EYA1: variants seen among roughly 807,000 people sequenced by gnomAD.
EYA1 encodes the protein EYA transcriptional coactivator and phosphatase 1, also known as protein phosphatase EYA1.
Under a neutral mutation model 82.0 loss-of-function variants are expected in EYA1, and 16 were observed. That is an observed-to-expected ratio of 0.20 (90% CI 0.13 to 0.30). The LOEUF (loss-of-function observed/expected upper bound fraction) is 0.30, where lower values mean the gene tolerates loss of function less well. EYA1 is among the 10% of genes least tolerant of loss of function. The pLI is 1.00. For synonymous variants in EYA1, 261 were observed against 264.4 expected (o/e 0.99, Z 0.12); for missense variants, 633 against 730.7 (o/e 0.87, Z 1.54).
intron 1 of EYA1, among the ~76,000 whole-genome samples, chr8:71,547,115 C>A (rs567204679): frequency 9.7e-4 from 147 of 152,224 alleles, no homozygotes; most frequent in Middle Eastern, 6.8e-3. Flanking sequence ...CAGACCCCTC[C>A]AATTTACCTC....
At chr8:71,382,067 G>A (rs1828734934) in intron 2 of EYA1, among the ~76,000 whole-genome samples, 1 of 152,104 alleles carries the variant, frequency 6.6e-6, no homozygotes, top group South Asian at 2.1e-4. Flanking sequence ...AAGATGAGAA[G>A]AAACAGAATG....
chr8:71,269,565 T>C (rs547760914), intron 11 of EYA1, among the ~76,000 whole-genome samples, 175 bp downstream of exon 11: 2 of 152,344 alleles, frequency 1.3e-5, no homozygotes, highest in East Asian at 1.9e-4. Flanking sequence ...AAAAATAATA[T>C]CTTCTTTGGC....
intron 2 of EYA1, among the ~76,000 whole-genome samples, chr8:71,444,672 A>G (rs1030799303): frequency 1.3e-5 from 2 of 152,116 alleles, no homozygotes; most frequent in Non-Finnish European, 2.9e-5. Context: ...TGCATACAGC[A>G]GGTATCTGAT....
rs148158642 is a variant in EYA1 at position 71,287,798 on chromosome 8, T to C, written c.826+11249A>G. Reference sequence around the variant, plus strand: ...CCAGCACCAAGCACAGTGCCTGGCATGCAGCAAGCATTGATAAATATCTCT... The same window carrying C: ...CCAGCACCAAGCACAGTGCCTGGCACGCAGCAAGCATTGATAAATATCTCT... On this transcript the variant is annotated intron_variant, in intron 9 of 17. Transcript: ENST00000340726. 4.3e-3 allele frequency among the ~76,000 whole-genome samples: 648 copies of C among 152,348 alleles called. 2 individuals are homozygous for C. The highest frequency in any genetic ancestry group is 0.01 in the South Asian group (49 of 4,826).
intron 2 of EYA1, among the ~76,000 whole-genome samples, chr8:71,440,721 T>C (rs1476865648): frequency 6.6e-6 from 1 of 152,152 alleles, no homozygotes; most frequent in Non-Finnish European, 1.5e-5. Flanking sequence ...TACCTGTGTG[T>C]CATTAGAGAT....
intron 9 of EYA1, among the ~76,000 whole-genome samples, chr8:71,272,928 CTGTT>C (rs1244428181): frequency 6.6e-6 from 1 of 152,208 alleles, no homozygotes; most frequent in Non-Finnish European, 1.5e-5. Flanking sequence ...CAGAAAACCA[CTGTT>C]TGAAGAGAAC....
chr8:71,247,071 C>T (rs1303477018), intron 11 of EYA1, among the ~76,000 whole-genome samples: 1 of 151,394 alleles, frequency 6.6e-6, no homozygotes, highest in Non-Finnish European at 1.5e-5. Flanking sequence ...GCCCACATCC[C>T]TCCAGCACCT....
At chr8:71,356,955 C>G (rs1484884381) in intron 1 of EYA1, among the ~76,000 whole-genome samples, 1 of 152,224 alleles carries the variant, frequency 6.6e-6, no homozygotes, top group Admixed American at 6.5e-5. Flanking sequence ...TTATCACCAG[C>G]TGAAATAGAG....
chr8:71,465,360 C>A (rs770037324), intron 2 of EYA1, among the ~76,000 whole-genome samples: 1 of 152,186 alleles, frequency 6.6e-6, no homozygotes, highest in Non-Finnish European at 1.5e-5. Flanking sequence ...TGGTAGCTCA[C>A]ACCTATAATC....
At chr8:71,412,541 A>T (rs1490330190) in intron 2 of EYA1, among the ~76,000 whole-genome samples, 1 of 152,194 alleles carries the variant, frequency 6.6e-6, no homozygotes, top group African/African-American at 2.4e-5. Flanking sequence ...TGGATAAAAT[A>T]ATATGATGTC....
chr8:71,241,606 T>A (rs1812485903), intron 12 of EYA1, among the ~76,000 whole-genome samples: 1 of 152,170 alleles, frequency 6.6e-6, no homozygotes, highest in South Asian at 2.1e-4. Context: ...GCATCATACT[T>A]CAAGCTAACC....
chr8:71,296,686 C>T (rs767848912), intron 9 of EYA1, among the ~76,000 whole-genome samples: 12 of 151,312 alleles, frequency 7.9e-5, no homozygotes, highest in Non-Finnish European at 1.6e-4. Flanking sequence ...ATTATTTTAA[C>T]AATGTAAAAA....
intron 1 of EYA1, among the ~76,000 whole-genome samples, chr8:71,360,085 T>C (rs951344869): frequency 6.6e-6 from 1 of 152,220 alleles, no homozygotes; most frequent in African/African-American, 2.4e-5. Flanking sequence ...ATGTTAACAC[T>C]ATATTTCCTT....
At chr8:71,277,115 A>ATGCTTTTTTTTTTTTTTTT (rs1563383057) in intron 9 of EYA1, among the ~76,000 whole-genome samples, 1 of 76,938 alleles carries the variant, frequency 1.3e-5, no homozygotes, top group African/African-American at 5.3e-5. Context: ...GGCTTCACAC[A>ATGCTTTTTTTTTTTTTTTT]TTTTTTTTTT....
At chr8:71,419,692 C>T (rs892269622) in intron 2 of EYA1, among the ~76,000 whole-genome samples, 1 of 151,918 alleles carries the variant, frequency 6.6e-6, no homozygotes, top group Non-Finnish European at 1.5e-5. Flanking sequence ...TTTAAATTAG[C>T]ATTTAGATAT....
intron 12 of EYA1, among the ~76,000 whole-genome samples, chr8:71,229,304 C>CAATAATA (rs1810927277): frequency 6.6e-6 from 1 of 152,074 alleles, no homozygotes; most frequent in Non-Finnish European, 1.5e-5. Flanking sequence ...CCCACAGTCT[C>CAATAATA]AATAATAACT....
intron 11 of EYA1, among the ~76,000 whole-genome samples, chr8:71,264,594 T>TG (rs1181687166): frequency 6.6e-6 from 1 of 151,924 alleles, no homozygotes; most frequent in Non-Finnish European, 1.5e-5. Flanking sequence ...TTTTTTTTTT[T>TG]TGAGACAGGA....
intron 4 of EYA1, among the ~76,000 whole-genome samples, chr8:71,324,544 C>A: frequency 6.6e-6 from 1 of 152,306 alleles, no homozygotes; most frequent in East Asian, 1.9e-4. Flanking sequence ...CCACACTTGT[C>A]TTTTCCTTCT....
At chr8:71,277,721 C>T (rs1295765146) in intron 9 of EYA1, among the ~76,000 whole-genome samples, 1 of 152,160 alleles carries the variant, frequency 6.6e-6, no homozygotes, top group African/African-American at 2.4e-5. Context: ...CATGTTTGCA[C>T]ACTGAGAGCA....
Sources: gnomAD v4.1 joint callset for allele counts (sites outside exome capture counted in the v4.1 genomes callset) on GRCh38, gnomAD v4.1.1 for gene constraint, MANE v1.5 for transcripts, NCBI Gene and HGNC (gene_info 2026-07-23, HGNC 2026-07-21) for gene names.